The following SCAF8 variants were observed in gnomAD, a reference collection of about 807,000 sequenced individuals.
SCAF8 encodes SR-related CTD associated factor 8.
In SCAF8, 23 loss-of-function variants were observed where a neutral mutation model predicts 140.5. That is an observed-to-expected ratio of 0.16 (90% CI 0.12 to 0.23). SCAF8 has a LOEUF of 0.23. Ranked by LOEUF, SCAF8 falls within the 10% of genes least tolerant of loss-of-function variation. The pLI, the probability that SCAF8 is intolerant of heterozygous loss-of-function variation, is 1.00. For missense variants in SCAF8, 1,397 were observed against 1,555.7 expected (o/e 0.90, Z 1.72); for synonymous variants, 575 against 528.9 (o/e 1.09, Z -1.20).
intron 1 of SCAF8, among the ~76,000 whole-genome samples, chr6:154,752,049 T>C (rs1778850864): frequency 6.6e-6 from 1 of 152,252 alleles, no homozygotes; most frequent in Non-Finnish European, 1.5e-5. Context: ...ATATCCTTAA[T>C]GTATCTGTAG....
At chr6:154,756,166 T>A (rs1405765785) in intron 1 of SCAF8, among the ~76,000 whole-genome samples, 1 of 152,234 alleles carries the variant, frequency 6.6e-6, no homozygotes, top group Non-Finnish European at 1.5e-5. Context: ...ATACCACTTT[T>A]GTGTACAGTA....
At chr6:154,778,829 G>C (rs1054581605) in intron 3 of SCAF8, among the ~76,000 whole-genome samples, 1 of 151,110 alleles carries the variant, frequency 6.6e-6, no homozygotes, top group African/African-American at 2.4e-5. Flanking sequence ...CATACTTGGG[G>C]ATTAAGTGGT....
At chr6:154,786,895 T>C (rs901398690) in intron 3 of SCAF8, among the ~76,000 whole-genome samples, 2 of 152,266 alleles carry the variant, frequency 1.3e-5, no homozygotes, top group African/African-American at 4.8e-5. Context: ...TAAAGAACTT[T>C]TTTTGCCATT....
At chr6:154,791,640 G>C (rs897389949) in intron 4 of SCAF8, among the ~76,000 whole-genome samples, 6 of 135,244 alleles carry the variant, frequency 4.4e-5, no homozygotes, top group Non-Finnish European at 8.3e-5. Flanking sequence ...AAGTTTTTTT[G>C]TTTTTTTAAA....
rs145689611 is a variant in SCAF8 at position 154,750,251 on chromosome 6, T to A, written c.30+16321T>A. On this transcript the variant is annotated intron_variant, in intron 1 of 19. Coordinates refer to ENST00000367178, the MANE Select transcript of SCAF8 (RefSeq NM_014892.5). ...TTACTGTTTTGTTAAGTACAGTAGT[T>A]TGTACATCTTGAATATTTGTTGTCT... Among the ~76,000 whole-genome samples the A allele has an allele frequency of 2.0e-3, 298 of 152,296 alleles. 1 individual carries two copies. The highest frequency in any genetic ancestry group is 6.7e-3 in the African/African-American group (278 of 41,562).
chr6:154,833,186 A>G lies in SCAF8; in HGVS notation c.3607A>G (p.Thr1203Ala), dbSNP rs1301370730. 2.5e-6 allele frequency: 4 copies of G among 1,613,992 alleles called. No individual in the cohort carries two copies. Among genetic ancestry groups the G allele is most frequent in the Middle Eastern group, 1.6e-4 (1 of 6,082 alleles). Reference sequence around the variant, plus strand: ...GGTTTTTGATTATTTTGAAGGGGCCACTTCTCAACGAAAAGGTGATAATGT... The same window carrying G: ...GGTTTTTGATTATTTTGAAGGGGCCGCTTCTCAACGAAAAGGTGATAATGT... Reference protein sequence around the residue: ...ARVFDYFEGATSQRKGDNVPQ... With the variant: ...ARVFDYFEGAASQRKGDNVPQ... The change falls in exon 20 of 20, where the codon ACT becomes GCT. Residue 1203 changes from threonine (T) to alanine (A), a missense_variant. Physicochemically the swap from Thr to Ala is moderately conservative, Grantham distance 58. Coordinates refer to ENST00000367178, the MANE Select transcript of SCAF8 (RefSeq NM_014892.5).
intron 19 of SCAF8, among the ~76,000 whole-genome samples, chr6:154,831,649 TTTTCTTTCC>T (rs1315166013): frequency 3.5e-5 from 5 of 143,958 alleles, no homozygotes; most frequent in African/African-American, 1.3e-4. Flanking sequence ...CTAAGCATAC[TTTTCTTTCC>T]TTTCTTTCCT....
intron 1 of SCAF8, among the ~76,000 whole-genome samples, chr6:154,753,442 G>C (rs1363961705): frequency 6.6e-6 from 1 of 150,854 alleles, no homozygotes; most frequent in Non-Finnish European, 1.5e-5. Flanking sequence ...ACTCCAGCCT[G>C]GGCGACAGAG....
Position 154,833,515 on chromosome 6 carries a change from C to T in SCAF8, c.*120C>T. 7.8e-6 allele frequency: 7 copies of T among 894,136 alleles called. No individual in the cohort carries two copies. Among genetic ancestry groups the T allele is most frequent in the Non-Finnish European group, 1.2e-5 (7 of 588,544 alleles). 55.4% of individuals were successfully genotyped at this position (894,136 alleles called of 1,614,324 possible). On this transcript the variant is annotated 3_prime_UTR_variant, in exon 20 of 20. Transcript: ENST00000367178. ...GCCAGAATTAAGTTAATCTGATGTT[C>T]ATGTTCACCTTTCTCTTAAAATAAT...
At chr6:154,736,206 G>A (rs1385142947) in intron 1 of SCAF8, among the ~76,000 whole-genome samples, 1 of 149,242 alleles carries the variant, frequency 6.7e-6, no homozygotes, top group Non-Finnish European at 1.5e-5. Flanking sequence ...TTTGTTGGGT[G>A]TCTGTCTTTG....
intron 1 of SCAF8, among the ~76,000 whole-genome samples, chr6:154,747,028 A>G (rs1417283019): frequency 6.6e-6 from 1 of 152,230 alleles, no homozygotes; most frequent in African/African-American, 2.4e-5. Context: ...AGATATGGAA[A>G]AGGATTTAGG....
At chr6:154,771,803 T>C (rs1776775975) in intron 1 of SCAF8, among the ~76,000 whole-genome samples, 1 of 152,096 alleles carries the variant, frequency 6.6e-6, no homozygotes, top group South Asian at 2.1e-4. Context: ...GATGGGAATT[T>C]TTTGTACCGC....
At chr6:154,815,412 CTTTGA>C (rs1778218324) in intron 12 of SCAF8, among the ~76,000 whole-genome samples, 5 of 152,172 alleles carry the variant, frequency 3.3e-5, no homozygotes, top group Admixed American at 2.0e-4. Context: ...CAGTTCCTGT[CTTTGA>C]CACTGCATGC....
At position 154,831,027 on chromosome 6, in the gene SCAF8, C is replaced by G. The variant is rs200959548; in HGVS notation, c.2246C>G (p.Ser749Cys). 2.5e-5 allele frequency: 41 copies of G among 1,613,884 alleles called. No homozygotes were observed. The highest frequency in any genetic ancestry group is 3.5e-5 in the Non-Finnish European group (41 of 1,179,914). Residue 749 changes from serine to cysteine, a missense_variant, in exon 19 of 20, where the codon TCC (serine) becomes TGC (cysteine). By Grantham distance (112) the Ser-to-Cys change is moderately radical (BLOSUM62 -1). This residue lies in a region of SCAF8 where 930 missense variants were observed against 874.6 expected (regional missense o/e 1.06). Transcript: ENST00000367178. ...GGSVASNLAT[S>C]ALPAGNVFNA... ...TCTGTTGCCAGCAATCTTGCTACTT[C>G]CGCTCTGCCAGCTGGAAATGTTTTT...
intron 1 of SCAF8, among the ~76,000 whole-genome samples, chr6:154,751,226 A>G (rs1204241170): frequency 1.3e-5 from 2 of 150,684 alleles, no homozygotes; most frequent in African/African-American, 4.9e-5. Context: ...ATATCTAAAA[A>G]CCACATTTTT....
At chr6:154,796,352 G>GTT (rs879619118) in intron 6 of SCAF8, among the ~76,000 whole-genome samples, 1 of 75,378 alleles carries the variant, frequency 1.3e-5, no homozygotes, top group African/African-American at 7.6e-5. Flanking sequence ...TTGCAATCCT[G>GTT]TTCTCTCTCT....
Position 154,792,995 on chromosome 6 carries a change from G to T in SCAF8, c.475+19G>T, listed in dbSNP as rs1469622410. ...ACTCCAGGTATGTTGCTTTAATATA[G>T]ATTTGTTGTCTAAATATTCTACTCA... is the stretch of plus-strand genomic sequence containing the variant. On this transcript the variant is annotated intron_variant, in intron 5 of 19. Coordinates refer to ENST00000367178, the MANE Select transcript of SCAF8 (RefSeq NM_014892.5). The T allele has an allele frequency of 6.3e-7, 1 of 1,577,532 alleles. No individual in the cohort carries two copies. Among genetic ancestry groups the T allele is most frequent in the African/African-American group, 1.4e-5 (1 of 73,304 alleles).
intron 18 of SCAF8, among the ~76,000 whole-genome samples, chr6:154,829,863 C>T (rs1307717726): frequency 3.3e-5 from 5 of 152,190 alleles, no homozygotes; most frequent in African/African-American, 9.7e-5. Flanking sequence ...GCCGAGATCA[C>T]GCTACTGCAC....
chr6:154,736,631 A>G (rs1055886338), intron 1 of SCAF8, among the ~76,000 whole-genome samples: 1 of 152,184 alleles, frequency 6.6e-6, no homozygotes, highest in African/African-American at 2.4e-5. Context: ...TGGTTAGTGC[A>G]CTATGGTTGG....
Sources: allele counts gnomAD v4.1 joint callset (sites outside exome capture counted in the v4.1 genomes callset), GRCh38; gene constraint gnomAD v4.1.1; regional missense constraint gnomAD v4.1.1; transcripts MANE v1.5; gene names NCBI Gene and HGNC (gene_info 2026-07-23, HGNC 2026-07-21).